The following SH2D4B variants were observed in gnomAD, a reference collection of about 807,000 sequenced individuals.
SH2D4B encodes the protein SH2 domain containing 4B, also known as SH2 domain-containing protein 4B.
Under a neutral mutation model 61.5 loss-of-function variants are expected in SH2D4B, and 45 were observed. The ratio of observed to expected loss-of-function variants is 0.73; its 90% CI spans 0.58 to 0.94. The LOEUF (loss-of-function observed/expected upper bound fraction) is 0.94. Among genes scored for constraint, SH2D4B ranks in the 40% least tolerant of loss-of-function variants. The pLI is 0.00. For synonymous variants in SH2D4B, 224 were observed against 220.4 expected, an observed-to-expected ratio of 1.02 and a Z score of -0.14; for missense variants, 572 against 574.2, an observed-to-expected ratio of 1.00 and a Z score of 0.04.
At chr10:80,565,697 A>G (rs970956891) in intron 1 of SH2D4B, among the ~76,000 whole-genome samples, 2 of 152,098 alleles carry the variant, frequency 1.3e-5, no homozygotes, top group South Asian at 2.1e-4. Context: ...TTGCCTCCCC[A>G]TCCTTAGCAT....
chr10:80,593,988 A>AT (rs541315982), intron 4 of SH2D4B, among the ~76,000 whole-genome samples: 70 of 151,898 alleles, frequency 4.6e-4, no homozygotes, highest in Non-Finnish European at 9.3e-4. Flanking sequence ...TTATATATAT[A>AT]TATTTTTAGC....
chr10:80,586,031 G>A (rs1045240481), intron 3 of SH2D4B, among the ~76,000 whole-genome samples: 5 of 152,324 alleles, frequency 3.3e-5, no homozygotes, highest in East Asian at 1.9e-4. Context: ...CAGCAGCTGC[G>A]GAGAGTGTGC....
intron 1 of SH2D4B, among the ~76,000 whole-genome samples, chr10:80,559,247 C>T (rs7900954): frequency 0.059 from 8,943 of 152,122 alleles, 631 homozygotes; most frequent in East Asian, 0.3. Flanking sequence ...TCTAATATCT[C>T]AAATTGAAAA....
chr10:80,549,201 GAT>G (rs1491047230), intron 1 of SH2D4B, among the ~76,000 whole-genome samples: 24 of 14,224 alleles, frequency 1.7e-3, no homozygotes, highest in African/African-American at 6.4e-3. Flanking sequence ...GATGGGACTT[GAT>G]TGTGTGTGTG....
At chr10:80,573,768 C>A (rs1842091601) in intron 3 of SH2D4B, among the ~76,000 whole-genome samples, 1 of 152,138 alleles carries the variant, frequency 6.6e-6, no homozygotes, top group Non-Finnish European at 1.5e-5. Flanking sequence ...TACCATTACT[C>A]TTCATTTCCA....
chr10:80,637,029 C>G (rs1389472602), intron 7 of SH2D4B, among the ~76,000 whole-genome samples: 2 of 152,172 alleles, frequency 1.3e-5, no homozygotes, highest in African/African-American at 4.8e-5. Flanking sequence ...TTCCCAGCAC[C>G]ATTTATTAAA....
In SH2D4B at chr10:80,634,367, C is replaced by G. The variant is rs1466442565; in HGVS notation, c.1071C>G (p.Ile357Met). The G allele has an allele frequency of 8.4e-6, 13 of 1,550,364 alleles. No homozygotes were observed. The highest frequency in any genetic ancestry group is 1.1e-5 in the Non-Finnish European group (13 of 1,146,918). Reference sequence around the variant, plus strand: ...TCCTGGTCCGGGTCAGTGAGAAAATCTGGGGTTACACCCTCTCCTACCGCC... The same window carrying G: ...TCCTGGTCCGGGTCAGTGAGAAAATGTGGGGTTACACCCTCTCCTACCGCC... ...GAFLVRVSEK[I>M]WGYTLSYRLQ... The change falls in exon 7 of 8, where the codon ATC (isoleucine) becomes ATG (methionine). Residue 357 changes from isoleucine to methionine, a missense_variant. Coordinates refer to ENST00000646907, the MANE Select transcript of SH2D4B (RefSeq NM_001388272.1).
In SH2D4B at chr10:80,645,606, A is replaced by G. The variant is rs562859944; in HGVS notation, c.*1521A>G. ...GTCCTGTAAGATCGAGCAACCAGTC[A>G]TGATGAAACCAAGTGGTGGCCGGAT... On this transcript the variant is annotated 3_prime_UTR_variant, in exon 8 of 8. Transcript: ENST00000646907. 6.6e-6 allele frequency: 1 copy of G among 152,346 alleles called. No individual in the cohort carries two copies. The highest frequency in any genetic ancestry group is 6.5e-5 in the Admixed American group (1 of 15,298). The allele number at this position is 152,346 out of a possible 1,614,324, so 9.4% of individuals were successfully genotyped here. A position where few individuals can be genotyped will look rare whatever the true frequency, so the allele number is the denominator to read the frequency against.
intron 6 of SH2D4B, among the ~76,000 whole-genome samples, chr10:80,618,868 C>A (rs7085490): frequency 6.6e-5 from 10 of 151,854 alleles, no homozygotes; most frequent in African/African-American, 2.2e-4. Context: ...TTTCAGGGAA[C>A]GGAATGGAGG....
chr10:80,577,588 G>A (rs569022225), intron 3 of SH2D4B, among the ~76,000 whole-genome samples: 17 of 152,100 alleles, frequency 1.1e-4, no homozygotes, highest in East Asian at 9.7e-4. Flanking sequence ...CACCACGCCC[G>A]GCTAATTTTT....
In SH2D4B at chr10:80,619,268, G is replaced by A. The variant is rs544562548; in HGVS notation, c.988+9717G>A. On this transcript the variant is annotated intron_variant, in intron 6 of 7. Coordinates refer to ENST00000646907, the MANE Select transcript of SH2D4B (RefSeq NM_001388272.1). ...AAAGCAAGCCTGGACTTGTTTGTCA[G>A]GCCAGTGTTCCTCAGCTCTTCTGCA... Among the ~76,000 whole-genome samples, 5 of 152,334 alleles carry A rather than the reference G, an allele frequency of 3.3e-5. No individual in the cohort carries two copies. In the East Asian group the frequency reaches 9.6e-4, roughly 29 times the overall value.
intron 6 of SH2D4B, among the ~76,000 whole-genome samples, chr10:80,616,374 G>A (rs2132149463): frequency 6.6e-6 from 1 of 152,262 alleles, no homozygotes; most frequent in South Asian, 2.1e-4. Context: ...TTAAGTTCTT[G>A]CTTTAGCGGT....
chr10:80,548,754 C>T (rs1414908532), intron 1 of SH2D4B, among the ~76,000 whole-genome samples: 3 of 152,206 alleles, frequency 2.0e-5, no homozygotes, highest in East Asian at 3.9e-4. Context: ...GTCTGGGCCT[C>T]TTCCTGAGTG....
chr10:80,547,292 C>A (rs1423843348), intron 1 of SH2D4B, among the ~76,000 whole-genome samples: 1 of 152,238 alleles, frequency 6.6e-6, no homozygotes, highest in South Asian at 2.1e-4. Context: ...CTGCCTTGCG[C>A]CCCATCCCTA....
intron 1 of SH2D4B, among the ~76,000 whole-genome samples, chr10:80,563,403 C>T (rs895671876): frequency 6.6e-6 from 1 of 152,080 alleles, no homozygotes; most frequent in African/African-American, 2.4e-5. Flanking sequence ...TAGATTATCT[C>T]TTTACTCTGT....
At chr10:80,577,722 G>A (rs145881266) in intron 3 of SH2D4B, among the ~76,000 whole-genome samples, 7,336 of 151,686 alleles carry the variant, frequency 0.048, 205 homozygotes, top group African/African-American at 0.085. Flanking sequence ...CACAGCGCCC[G>A]GCCTTTTTTT....
At chr10:80,593,323 T>G (rs919070794) in intron 4 of SH2D4B, among the ~76,000 whole-genome samples, 1 of 152,244 alleles carries the variant, frequency 6.6e-6, no homozygotes, top group African/African-American at 2.4e-5. Flanking sequence ...GTCTTCCAAT[T>G]CATGATCACA....
At chr10:80,548,550 C>G (rs577493924) in intron 1 of SH2D4B, among the ~76,000 whole-genome samples, 21 of 152,330 alleles carry the variant, frequency 1.4e-4, no homozygotes, top group Non-Finnish European at 2.6e-4. Context: ...CAATTTCATC[C>G]TGATTCCACT....
intron 6 of SH2D4B, among the ~76,000 whole-genome samples, chr10:80,618,014 C>T (rs1488419318): frequency 6.6e-6 from 1 of 152,200 alleles, no homozygotes; most frequent in Admixed American, 6.5e-5. Flanking sequence ...ATGATCATGC[C>T]TAGAGTAGGT....
Sources: gnomAD v4.1 joint callset for allele counts (sites outside exome capture counted in the v4.1 genomes callset) on GRCh38, gnomAD v4.1.1 for gene constraint, MANE v1.5 for transcripts, NCBI Gene and HGNC (gene_info 2026-07-23, HGNC 2026-07-21) for gene names.